The following FBXL7 variants were observed in gnomAD, a reference collection of about 807,000 sequenced individuals.
The protein encoded by FBXL7 is F-box/LRR-repeat protein 7.
FBXL7 carries 12 observed loss-of-function variants against 38.3 expected under a neutral mutation model. The ratio of observed to expected loss-of-function variants is 0.31; its 90% CI spans 0.20 to 0.51. The LOEUF is 0.51. Among genes scored for constraint, FBXL7 ranks in the 20% least tolerant of loss-of-function variants. FBXL7 has a pLI of 0.98. For missense variants in FBXL7, 567 were observed against 676.4 expected (o/e 0.84, Z 1.79); for synonymous variants, 297 against 300.9 (o/e 0.99, Z 0.13).
intron 2 of FBXL7, among the ~76,000 whole-genome samples, chr5:15,853,898 A>G (rs1366619389): frequency 3.9e-5 from 6 of 152,170 alleles, no homozygotes; most frequent in Non-Finnish European, 8.8e-5. Context: ...CCACATTTAT[A>G]ATAATTGGCT....
At chr5:15,532,765 G>A (rs1375384905) in intron 1 of FBXL7, among the ~76,000 whole-genome samples, 3 of 152,154 alleles carry the variant, frequency 2.0e-5, no homozygotes, top group Non-Finnish European at 4.4e-5. Context: ...AGGAAAATCC[G>A]AGTTAAAGAA....
Position 15,928,102 on chromosome 5 carries a change from A to G in FBXL7, c.340A>G (p.Ile114Val). The G allele has an allele frequency of 6.4e-7, 1 of 1,572,078 alleles. No homozygotes were observed. The highest frequency in any genetic ancestry group is 1.7e-4 in the Middle Eastern group (1 of 5,842). The change falls in exon 3 of 4, where the codon ATA (isoleucine) becomes GTA (valine). Residue 114 changes from isoleucine to valine, a missense_variant. Physicochemically the swap from Ile to Val is conservative, Grantham distance 29. Coordinates refer to ENST00000504595, the MANE Select transcript of FBXL7 (RefSeq NM_012304.5). The surrounding 1 kb of genome is among the most constrained non-coding windows in gnomAD (Gnocchi z 4.0). ...CAGACCCCAGAAGGAGCAGGCCAGCATAGACCGGCTCCCGGACCACTCCAT... is the reference window on the plus strand; with the variant it reads ...CAGACCCCAGAAGGAGCAGGCCAGCGTAGACCGGCTCCCGGACCACTCCAT... Reference protein sequence around the residue: ...ASRPQKEQASIDRLPDHSMVQ... With the variant: ...ASRPQKEQASVDRLPDHSMVQ...
At chr5:15,840,351 C>A (rs75559895) in intron 2 of FBXL7, among the ~76,000 whole-genome samples, 1,108 of 37,492 alleles carry the variant, frequency 0.03, 9 homozygotes, top group Middle Eastern at 0.087. Context: ...TTAGTAAAAA[C>A]CCCTCCTCCT....
At chr5:15,754,057 A>G (rs1327636252) in intron 2 of FBXL7, among the ~76,000 whole-genome samples, 1 of 152,212 alleles carries the variant, frequency 6.6e-6, no homozygotes, top group African/African-American at 2.4e-5. Flanking sequence ...GAATCACTGG[A>G]CCTCATTACC....
At position 15,527,646 on chromosome 5, in the gene FBXL7, C is replaced by G. The variant is rs73751970; in HGVS notation, c.37+26933C>G. On this transcript the variant is annotated intron_variant, in intron 1 of 3. Coordinates refer to ENST00000504595, the MANE Select transcript of FBXL7 (RefSeq NM_012304.5). ...AACTATAATCCCTGTAATCTCACTACCCAGTAATAATCACTGTCAACATCT... is the reference window on the plus strand; with the variant it reads ...AACTATAATCCCTGTAATCTCACTAGCCAGTAATAATCACTGTCAACATCT... Among the ~76,000 whole-genome samples, 1,362 of 152,280 alleles carry G rather than the reference C, an allele frequency of 8.9e-3. 19 individuals carry two copies. The highest frequency in any genetic ancestry group is 0.03 in the African/African-American group (1,263 of 41,556).
At chr5:15,573,060 TC>T (rs1188033159) in intron 1 of FBXL7, among the ~76,000 whole-genome samples, 8 of 152,192 alleles carry the variant, frequency 5.3e-5, no homozygotes, top group African/African-American at 1.7e-4. Flanking sequence ...GTTAATCACC[TC>T]CCCTTCCCCC....
chr5:15,605,268 AG>A (rs1200155511), intron 1 of FBXL7, among the ~76,000 whole-genome samples: 1 of 152,194 alleles, frequency 6.6e-6, no homozygotes, highest in African/African-American at 2.4e-5. Context: ...AACCACAAGC[AG>A]TCAAATTCCA....
At chr5:15,777,750 AATT>A (rs1736895465) in intron 2 of FBXL7, among the ~76,000 whole-genome samples, 1 of 147,898 alleles carries the variant, frequency 6.8e-6, no homozygotes, top group South Asian at 2.2e-4. Context: ...AAAAAAAGTA[AATT>A]CCAGTTCCAA....
At chr5:15,709,902 G>T (rs1285506564) in intron 2 of FBXL7, among the ~76,000 whole-genome samples, 1 of 152,112 alleles carries the variant, frequency 6.6e-6, no homozygotes, top group Non-Finnish European at 1.5e-5. Flanking sequence ...GAGCCCTTTT[G>T]TAAGAACACT....
intron 2 of FBXL7, among the ~76,000 whole-genome samples, chr5:15,815,789 T>G (rs763060595): frequency 6.6e-6 from 1 of 152,196 alleles, no homozygotes; most frequent in African/African-American, 2.4e-5. Flanking sequence ...TGCTGAGTTT[T>G]GGCTGAGGGT....
chr5:15,678,375 A>G (rs1234680115), intron 2 of FBXL7, among the ~76,000 whole-genome samples: 1 of 152,220 alleles, frequency 6.6e-6, no homozygotes, highest in Admixed American at 6.5e-5. Context: ...AGTGCTGTAT[A>G]GAGCTACAAA....
At chr5:15,766,015 T>C (rs1211872611) in intron 2 of FBXL7, among the ~76,000 whole-genome samples, 1 of 118,680 alleles carries the variant, frequency 8.4e-6, no homozygotes, top group African/African-American at 2.9e-5. Context: ...TTCATCTATA[T>C]CTGTCTGTCT....
intron 2 of FBXL7, among the ~76,000 whole-genome samples, chr5:15,893,875 G>A (rs936171908): frequency 3.3e-5 from 5 of 152,166 alleles, no homozygotes; most frequent in African/African-American, 1.2e-4. Flanking sequence ...ACACCCATAT[G>A]GAGGCATGAT....
At chr5:15,758,455 A>G (rs1736357673) in intron 2 of FBXL7, among the ~76,000 whole-genome samples, 1 of 152,068 alleles carries the variant, frequency 6.6e-6, no homozygotes, top group African/African-American at 2.4e-5. Flanking sequence ...ATTTTTATCC[A>G]GCCCAAAGTG....
chr5:15,597,697 T>G (rs979301946), intron 1 of FBXL7, among the ~76,000 whole-genome samples: 2 of 152,068 alleles, frequency 1.3e-5, no homozygotes, highest in African/African-American at 4.8e-5. Flanking sequence ...GGAAAAGTAG[T>G]TCGAATGTTC....
chr5:15,515,743 G>C (rs139049779), intron 1 of FBXL7, among the ~76,000 whole-genome samples: 1 of 152,298 alleles, frequency 6.6e-6, no homozygotes, highest in East Asian at 1.9e-4. Flanking sequence ...GGCAAGTACA[G>C]ATTCATCAGG....
chr5:15,620,908 C>T (rs1740618126), intron 2 of FBXL7, among the ~76,000 whole-genome samples: 1 of 152,204 alleles, frequency 6.6e-6, no homozygotes, highest in African/African-American at 2.4e-5. Context: ...ATTTTGTGTT[C>T]TAGCACCCAA....
intron 2 of FBXL7, among the ~76,000 whole-genome samples, chr5:15,801,463 G>T (rs574455897): frequency 4.3e-4 from 65 of 152,254 alleles, no homozygotes; most frequent in Non-Finnish European, 7.4e-4. Flanking sequence ...CTTTCATTTT[G>T]ACAAGAAAAG....
chr5:15,933,898 G>C (rs971084317), intron 3 of FBXL7, among the ~76,000 whole-genome samples: 7 of 152,116 alleles, frequency 4.6e-5, no homozygotes, highest in Non-Finnish European at 8.8e-5. Flanking sequence ...GAAGAGCAGA[G>C]AGAAAATGAA....
Sources: gnomAD v4.1 joint callset for allele counts (sites outside exome capture counted in the v4.1 genomes callset) on GRCh38, gnomAD v4.1.1 for gene constraint, Gnocchi (gnomAD v3.1) non-coding constraint, MANE v1.5 for transcripts, NCBI Gene and HGNC (gene_info 2026-07-23, HGNC 2026-07-21) for gene names.